The following ATL1 variants were observed in gnomAD, a reference collection of about 807,000 sequenced individuals.
The protein encoded by ATL1 is atlastin-1.
Under a neutral mutation model 75.5 loss-of-function variants are expected in ATL1, and 31 were observed. The observed-to-expected ratio is 0.41, with a 90% CI of 0.31 to 0.55. The LOEUF is 0.55. Among genes scored for constraint, ATL1 ranks in the 20% least tolerant of loss-of-function variants. The pLI, the probability that ATL1 is intolerant of heterozygous loss-of-function variation, is 0.27. For synonymous variants in ATL1, 226 were observed against 233.3 expected (o/e 0.97, Z 0.28); for missense variants, 405 against 662.6 (o/e 0.61, Z 4.27).
At chr14:50,619,038 G>A (rs1386358486) in intron 8 of ATL1, among the ~76,000 whole-genome samples, 1 of 149,932 alleles carries the variant, frequency 6.7e-6, no homozygotes, top group Non-Finnish European at 1.5e-5. Context: ...CTACAGGCAT[G>A]TGCCACAATG....
chr14:50,584,300 C>T (rs2039081931), intron 1 of ATL1, among the ~76,000 whole-genome samples: 1 of 152,188 alleles, frequency 6.6e-6, no homozygotes, highest in Admixed American at 6.5e-5. Context: ...ATCGATTGAG[C>T]TCAGGAAGCA....
Position 50,591,516 on chromosome 14 carries a change from G to C in ATL1, c.418-19G>C, listed in dbSNP as rs2934684. ...AGATGTTCTATAAAATATCAATAAT[G>C]TACTCTTCTTGCCTGTAGGTTGCAG... On this transcript the variant is annotated intron_variant, in intron 3 of 13. Transcript: ENST00000358385. The C allele has an allele frequency of 6.5e-7, 1 of 1,533,926 alleles. No homozygotes were observed. The highest frequency in any genetic ancestry group is 9.0e-7 in the Non-Finnish European group (1 of 1,107,302).
At chr14:50,590,874 A>G in intron 2 of ATL1, 67 bp from the exon 3 acceptor site, 2 of 1,520,190 alleles carry the variant, frequency 1.3e-6, no homozygotes, top group Non-Finnish European at 1.8e-6. Flanking sequence ...TAAGAATCAG[A>G]ATGAATGAAT....
At chr14:50,606,733 C>T (rs1434181721) in intron 6 of ATL1, among the ~76,000 whole-genome samples, 2 of 151,942 alleles carry the variant, frequency 1.3e-5, no homozygotes, top group Admixed American at 1.3e-4. Flanking sequence ...TTATAGAGGA[C>T]TTTAGTATTC....
At chr14:50,591,294 T>G (rs1299343390) in intron 3 of ATL1, among the ~76,000 whole-genome samples, 1 of 152,216 alleles carries the variant, frequency 6.6e-6, no homozygotes, top group Non-Finnish European at 1.5e-5. Flanking sequence ...AAGTAACATC[T>G]GTATTTTGTT....
intron 1 of ATL1, among the ~76,000 whole-genome samples, chr14:50,584,941 A>T (rs1006347359): frequency 3.3e-5 from 5 of 152,182 alleles, no homozygotes; most frequent in African/African-American, 1.2e-4. Context: ...CTTGCTATGC[A>T]TGTAACTAAC....
At chr14:50,604,740 A>G (rs2039301352) in intron 6 of ATL1, among the ~76,000 whole-genome samples, 2 of 152,094 alleles carry the variant, frequency 1.3e-5, no homozygotes. Flanking sequence ...TTCTCCTTCA[A>G]TGGGTAAGGG....
At position 50,632,506 on chromosome 14, in the gene ATL1, GATGTATGTATGC is replaced by G; in HGVS notation, c.*171_*182del. ...CTTTTACTTCAGTGTTTAATAAGCA[GATGTATGTATGC>G]ATGGTTATACTATTTTGTTAACATG... On this transcript the variant is annotated 3_prime_UTR_variant, in exon 14 of 14. Coordinates refer to ENST00000358385, the MANE Select transcript of ATL1 (RefSeq NM_015915.5). The G allele has an allele frequency of 1.8e-6, 1 of 561,466 alleles. No individual in the cohort carries two copies. The highest frequency in any genetic ancestry group is 3.3e-6 in the Non-Finnish European group (1 of 305,748). 34.8% of individuals were successfully genotyped at this position (561,466 alleles called of 1,614,324 possible). A position where few individuals can be genotyped will look rare whatever the true frequency, so the allele number is the denominator to read the frequency against.
intron 6 of ATL1, among the ~76,000 whole-genome samples, chr14:50,610,288 A>G (rs544423125): frequency 6.6e-6 from 1 of 152,184 alleles, no homozygotes; most frequent in South Asian, 2.1e-4. Flanking sequence ...TTTAAGAAGA[A>G]AGGATCCACA....
chr14:50,561,890 T>A (rs1483823980), intron 1 of ATL1, among the ~76,000 whole-genome samples: 4 of 152,208 alleles, frequency 2.6e-5, no homozygotes, highest in Non-Finnish European at 5.9e-5. Context: ...ACACACACAA[T>A]TAGGGTGCGT....
At chr14:50,555,735 C>T (rs1352775875), upstream of ATL1, among the ~76,000 whole-genome samples, 4 of 152,116 alleles carry the variant, frequency 2.6e-5, no homozygotes, top group African/African-American at 9.7e-5. Context: ...TCCATGATAC[C>T]ACTGAGCTGA....
At chr14:50,537,767 G>A (rs2038513170) in intron 1 of ATL1, among the ~76,000 whole-genome samples, 1 of 152,232 alleles carries the variant, frequency 6.6e-6, no homozygotes, top group South Asian at 2.1e-4. Context: ...GGGGCCTGTA[G>A]CCCCTTTGTT....
At chr14:50,595,803 G>A (rs2039210638) in intron 6 of ATL1, among the ~76,000 whole-genome samples, 171 bp downstream of exon 6, 1 of 152,000 alleles carries the variant, frequency 6.6e-6, no homozygotes, top group East Asian at 1.9e-4. Context: ...TGAGGAAATC[G>A]AATTTTTAAG....
At chr14:50,558,491 G>A (rs1424019431), upstream of ATL1, among the ~76,000 whole-genome samples, 1 of 152,176 alleles carries the variant, frequency 6.6e-6, no homozygotes, top group African/African-American at 2.4e-5. Flanking sequence ...AGTACAAAAA[G>A]TCACATACAG....
intron 1 of ATL1, among the ~76,000 whole-genome samples, chr14:50,553,168 T>G (rs1256800630): frequency 6.6e-6 from 1 of 151,142 alleles, no homozygotes; most frequent in Non-Finnish European, 1.5e-5. Context: ...TGGTGGTGTG[T>G]GCCTGTAGTC....
At chr14:50,609,459 T>G (rs2039344078) in intron 6 of ATL1, among the ~76,000 whole-genome samples, 1 of 152,028 alleles carries the variant, frequency 6.6e-6, no homozygotes, top group African/African-American at 2.4e-5. Flanking sequence ...CTGCGGCTGT[T>G]GTGTATGTAT....
chr14:50,568,817 G>A (rs532258470), intron 1 of ATL1, among the ~76,000 whole-genome samples: 5 of 151,588 alleles, frequency 3.3e-5, no homozygotes, highest in African/African-American at 9.7e-5. Flanking sequence ...GTTTTAATTC[G>A]CTTATCATTT....
chr14:50,554,579 A>G (rs761727888), intron 1 of ATL1, among the ~76,000 whole-genome samples: 44 of 152,214 alleles, frequency 2.9e-4, no homozygotes, highest in Non-Finnish European at 5.3e-4. Context: ...GTGAGCCAAG[A>G]CCATGATGCC....
intron 1 of ATL1, among the ~76,000 whole-genome samples, chr14:50,578,705 A>G (rs576080036): frequency 3.4e-4 from 52 of 152,286 alleles, no homozygotes; most frequent in African/African-American, 1.2e-3. Flanking sequence ...ATTCTTTACA[A>G]TTATGTTTCA....
Sources: allele counts gnomAD v4.1 joint callset (sites outside exome capture counted in the v4.1 genomes callset), GRCh38; gene constraint gnomAD v4.1.1; transcripts MANE v1.5; gene names NCBI Gene and HGNC (gene_info 2026-07-23, HGNC 2026-07-21).